The following PNMA8B variants were observed in gnomAD, a reference collection of about 807,000 sequenced individuals.
PNMA8B encodes the protein PNMA family member 8B, also known as paraneoplastic antigen-like protein 8B.
For synonymous variants in PNMA8B, 386 were observed against 394.9 expected (o/e 0.98, Z 0.27); for missense variants, 887 against 885.8 (o/e 1.00, Z -0.02).
At position 46,495,537 on chromosome 19, in the gene PNMA8B, G is replaced by A; in HGVS notation, c.-72C>T. 1 of 1,505,172 alleles carries A rather than the reference G, an allele frequency of 6.6e-7. No homozygotes were observed. The highest frequency in any genetic ancestry group is 8.9e-7 in the Non-Finnish European group (1 of 1,125,664). 93.2% of individuals were successfully genotyped at this position (1,505,172 alleles called of 1,614,324 possible). On this transcript the variant is annotated 5_prime_UTR_variant, in exon 1 of 1. Transcript: ENST00000599531. Reference sequence around the variant, plus strand: ...ATAGGGGTGGGCTGCAGCGCACGGTGTCAATGCAACCCTAGAAAGCCACTT... The same window carrying A: ...ATAGGGGTGGGCTGCAGCGCACGGTATCAATGCAACCCTAGAAAGCCACTT...
chr19:46,495,068 G>A lies in PNMA8B; in HGVS notation c.398C>T (p.Ser133Leu), dbSNP rs751965570. The A allele has an allele frequency of 5.0e-6, 8 of 1,612,054 alleles. No individual in the cohort carries two copies. The highest frequency in any genetic ancestry group is 1.1e-5 in the South Asian group (1 of 91,072). The change falls in exon 1 of 1, where the codon TCG becomes TTG. Residue 133 changes from serine to leucine, a missense_variant. Ser to Leu is a moderately radical substitution (Grantham distance 145). Coordinates refer to ENST00000599531, the MANE Select transcript of PNMA8B (RefSeq NM_020709.3). ...TPGEAPTPPA[S>L]ETQAQDSGEV... ...CCCAGAATCCTGGGCCTGCGTCTCC[G>A]AAGCGGGAGGGGTGGGTGCCTCCCC...
In PNMA8B at chr19:46,493,759, CCGGCCT is replaced by C. The variant is rs147338403; in HGVS notation, c.1701_1706del (p.Arg569_Gly570del). ...CGGCTTTCTTCTCGGGAGTGACGCC[CCGGCCT>C]CGGCCTCGGCCGCCCGCGCGGGTTT... On this transcript the variant is annotated inframe_deletion, in exon 1 of 1. Coordinates refer to ENST00000599531, the MANE Select transcript of PNMA8B (RefSeq NM_020709.3). The surrounding 1 kb of genome is among the most constrained non-coding windows in gnomAD (Gnocchi z 5.3). 9.2e-5 allele frequency: 129 copies of C among 1,408,406 alleles called. No individual in the cohort carries two copies. Among genetic ancestry groups the C allele is most frequent in the Non-Finnish European group, 1.1e-4 (123 of 1,085,684 alleles). The allele number at this position is 1,408,406 out of a possible 1,614,324, so 87.2% of individuals were successfully genotyped here.
At position 46,495,486 on chromosome 19, in the gene PNMA8B, G is replaced by A; in HGVS notation, c.-21C>T. ...GCCATGGTGCAGCCCCCTTGGCGCT[G>A]ATCTTGGGGCAGCAGGGAGCCCGAG... On this transcript the variant is annotated 5_prime_UTR_variant, in exon 1 of 1. Transcript: ENST00000599531. The A allele has an allele frequency of 6.3e-7, 1 of 1,580,846 alleles. No individual in the cohort carries two copies. The highest frequency in any genetic ancestry group is 8.6e-7 in the Non-Finnish European group (1 of 1,160,224).
At position 46,493,576 on chromosome 19, in the gene PNMA8B, C is replaced by A. The variant is rs550070633; in HGVS notation, c.1890G>T (p.Leu630=). 3 of 1,446,858 alleles carry A rather than the reference C, an allele frequency of 2.1e-6. No homozygotes were observed. In the South Asian group the frequency reaches 4.3e-5, roughly 21 times the overall value. 89.6% of individuals were successfully genotyped at this position (1,446,858 alleles called of 1,614,324 possible). The change falls in exon 1 of 1, where the codon CTG becomes CTT. Residue 630 remains leucine, a synonymous_variant. Transcript: ENST00000599531. The surrounding 1 kb of genome is among the most constrained non-coding windows in gnomAD (Gnocchi z 5.3). ...RGKKARRGRR[L]PPKCR The stretch of plus-strand genomic sequence containing the variant: ...GGGGCCACTAGCGGCATTTAGGGGG[C>A]AGCCTCCGGCCCCGACGGGCCTTCT...
Position 46,494,630 on chromosome 19 carries a change from C to T in PNMA8B, c.836G>A (p.Arg279His). The change falls in exon 1 of 1, where the codon CGC (arginine) becomes CAC (histidine). Residue 279 changes from arginine (R) to histidine (H), a missense_variant. Physicochemically the swap from Arg to His is conservative, Grantham distance 29. Transcript: ENST00000599531. ...ATTTTTGTCTTCTTTGGTGTTCAAG[C>T]GGATGGATTCGGCCCCAGCTGGCTC... is the stretch of plus-strand genomic sequence containing the variant. The part of the protein sequence containing the change: ...EKEPAGAESI[R>H]LNTKEDKNGV... 2 of 1,614,008 alleles carry T rather than the reference C, an allele frequency of 1.2e-6. No homozygotes were observed.
rs1970022741 is a variant in PNMA8B at position 46,492,778 on chromosome 19, A to G, written c.*780T>C. On this transcript the variant is annotated 3_prime_UTR_variant, in exon 1 of 1. Coordinates refer to ENST00000599531, the MANE Select transcript of PNMA8B (RefSeq NM_020709.3). ...AAATTGAACACCTCTGCAAATAATT[A>G]GAATGTTGGGAAACACTGCAGTCTG... 1 of 152,530 alleles carries G rather than the reference A, an allele frequency of 6.6e-6. No homozygotes were observed. The highest frequency in any genetic ancestry group is 2.4e-5 in the African/African-American group (1 of 41,466). The allele number at this position is 152,530 out of a possible 1,614,324, so 9.4% of individuals were successfully genotyped here.
In PNMA8B at chr19:46,491,673, G is replaced by A. The variant is rs914496367; in HGVS notation, c.*1885C>T. The A allele has an allele frequency of 6.5e-6, 1 of 153,002 alleles. No homozygotes were observed. The allele number at this position is 153,002 out of a possible 1,614,324, so 9.5% of individuals were successfully genotyped here. On this transcript the variant is annotated 3_prime_UTR_variant, in exon 1 of 1. Coordinates refer to ENST00000599531, the MANE Select transcript of PNMA8B (RefSeq NM_020709.3). The stretch of plus-strand genomic sequence containing the variant: ...GATCTGCAAGGGGTGAGATGATGCT[G>A]GGGGGTAGGGAGAGCCAGGCAGGGA...
In PNMA8B at chr19:46,495,606, A is replaced by G. The variant is rs1218466965; in HGVS notation, c.-141T>C. On this transcript the variant is annotated 5_prime_UTR_variant, in exon 1 of 1. Transcript: ENST00000599531. The stretch of plus-strand genomic sequence containing the variant: ...GTTCCGGTGAATGTGGCAAGGCTGG[A>G]GTGGGGCTCGGGGCTCGGGGGCTCT... The G allele has an allele frequency of 8.6e-7, 1 of 1,163,448 alleles. No homozygotes were observed. The highest frequency in any genetic ancestry group is 1.2e-6 in the Non-Finnish European group (1 of 842,996). The allele number at this position is 1,163,448 out of a possible 1,614,324, so 72.1% of individuals were successfully genotyped here.
At position 46,493,863 on chromosome 19, in the gene PNMA8B, C is replaced by A. The variant is rs1210738723; in HGVS notation, c.1603G>T (p.Ala535Ser). Residue 535 changes from alanine (A) to serine (S), a missense_variant, in exon 1 of 1, where the codon GCC (alanine) becomes TCC (serine). Transcript: ENST00000599531. This position sits in a 1 kb window ranked among gnomAD's most constrained non-coding sequence, Gnocchi z 5.3. ...CTGGGGGCCGTGCGCGCCCTCTTGGCCCGGGGCTTCCTGGATGCCCTGTCC... is the reference window on the plus strand; with the variant it reads ...CTGGGGGCCGTGCGCGCCCTCTTGGACCGGGGCTTCCTGGATGCCCTGTCC... ...PEDRASRKPR[A>S]KRARTAPRGL... The A allele has an allele frequency of 2.0e-6, 3 of 1,520,468 alleles. No homozygotes were observed. The highest frequency in any genetic ancestry group is 2.6e-5 in the South Asian group (2 of 77,634). 94.2% of individuals were successfully genotyped at this position (1,520,468 alleles called of 1,614,324 possible). A position where few individuals can be genotyped will look rare whatever the true frequency, so the allele number is the denominator to read the frequency against.
rs1434669667 is a variant in PNMA8B, at chr19:46,491,974, C to A, written c.*1584G>T. Reference sequence around the variant, plus strand: ...CAGGCAACACCACAGGCTGCTGTGCCCAGCTCAAGGTACACCCAGCCTGGT... The same window carrying A: ...CAGGCAACACCACAGGCTGCTGTGCACAGCTCAAGGTACACCCAGCCTGGT... On this transcript the variant is annotated 3_prime_UTR_variant, in exon 1 of 1. Coordinates refer to ENST00000599531, the MANE Select transcript of PNMA8B (RefSeq NM_020709.3). The A allele has an allele frequency of 1.1e-4, 24 of 216,478 alleles. No individual in the cohort carries two copies. In the Admixed American group the frequency reaches 1.3e-3, roughly 12 times the overall value. The allele number at this position is 216,478 out of a possible 1,614,324, so 13.4% of individuals were successfully genotyped here.
rs866217322 is a variant in PNMA8B at position 46,493,605 on chromosome 19, C to T, written c.1861G>A (p.Gly621Arg). 20 of 1,491,360 alleles carry T rather than the reference C, an allele frequency of 1.3e-5. No homozygotes were observed. Among genetic ancestry groups the T allele is most frequent in the African/African-American group, 4.4e-5 (3 of 68,168 alleles). The allele number at this position is 1,491,360 out of a possible 1,614,324, so 92.4% of individuals were successfully genotyped here. ...CTCCGGCCCCGACGGGCCTTCTTCCCGCGCGCGGCCTTGGATCCAGTGGGC... is the reference window on the plus strand; with the variant it reads ...CTCCGGCCCCGACGGGCCTTCTTCCTGCGCGCGGCCTTGGATCCAGTGGGC... The part of the protein sequence containing the change: ...QAPTGSKAAR[G>R]KKARRGRRLP... Residue 621 changes from glycine (G) to arginine (R), a missense_variant, in exon 1 of 1, where the codon GGG (glycine) becomes AGG (arginine). By Grantham distance (125) the Gly-to-Arg change is moderately radical. Coordinates refer to ENST00000599531, the MANE Select transcript of PNMA8B (RefSeq NM_020709.3). The surrounding 1 kb of genome is among the most constrained non-coding windows in gnomAD (Gnocchi z 5.3).
In PNMA8B at chr19:46,494,229, C is replaced by T. The variant is rs1247844544; in HGVS notation, c.1237G>A (p.Glu413Lys). Reference protein sequence around the residue: ...RKAGDDGDLRECISTLAQPDL... With the variant: ...RKAGDDGDLRKCISTLAQPDL... ...GGCTGCGCCAAGGTGGAAATGCACT[C>T]CCGGAGGTCCCCGTCATCCCCGGCC... The change falls in exon 1 of 1, where the codon GAG (glutamate) becomes AAG (lysine). Residue 413 changes from glutamate (E) to lysine (K), a missense_variant. Transcript: ENST00000599531. 5 of 1,609,052 alleles carry T rather than the reference C, an allele frequency of 3.1e-6. No homozygotes were observed. The highest frequency in any genetic ancestry group is 4.2e-6 in the Non-Finnish European group (5 of 1,179,698).
Position 46,494,467 on chromosome 19 carries a change from C to G in PNMA8B, c.999G>C (p.Val333=), listed in dbSNP as rs751748447. ...ACGGGTCGGTATAGGCCACAATGGCCACGAACTCAGGATTATCCAACTCCT... is the reference window on the plus strand; with the variant it reads ...ACGGGTCGGTATAGGCCACAATGGCGACGAACTCAGGATTATCCAACTCCT... The part of the protein sequence containing the change: ...ETEELDNPEF[V]AIVAYTDPSD... The change falls in exon 1 of 1, where the codon GTG becomes GTC. Residue 333 remains valine, a synonymous_variant. Coordinates refer to ENST00000599531, the MANE Select transcript of PNMA8B (RefSeq NM_020709.3). The G allele has an allele frequency of 6.4e-5, 104 of 1,613,922 alleles. No homozygotes were observed. The highest frequency in any genetic ancestry group is 8.5e-5 in the Non-Finnish European group (100 of 1,179,912).
Position 46,494,990 on chromosome 19 carries a change from C to T in PNMA8B, c.476G>A (p.Arg159Lys). 6.2e-7 allele frequency: 1 copy of T among 1,609,000 alleles called. No individual in the cohort carries two copies. The highest frequency in any genetic ancestry group is 2.2e-5 in the East Asian group (1 of 44,862). The change falls in exon 1 of 1, where the codon AGG becomes AAG. Residue 159 changes from arginine (R) to lysine (K), a missense_variant. Physicochemically the swap from Arg to Lys is conservative, Grantham distance 26. Transcript: ENST00000599531. The stretch of plus-strand genomic sequence containing the variant: ...TCTGTTTCTGCGACCCCGACGGCCC[C>T]TCCTTGGGTTCCTGGCTGCCCCAAG... ...SLLGAARNPR[R>K]GRRGRRNRTR...
chr19:46,492,085 C>A lies in PNMA8B; in HGVS notation c.*1473G>T. ...TGCAGCAGGTCTCAGTCAGCTTCTA[C>A]ATCTGGGTGTCCCTGACATAGGACT... is the stretch of plus-strand genomic sequence containing the variant. On this transcript the variant is annotated 3_prime_UTR_variant, in exon 1 of 1. Coordinates refer to ENST00000599531, the MANE Select transcript of PNMA8B (RefSeq NM_020709.3). The A allele has an allele frequency of 2.6e-6, 1 of 379,616 alleles. No individual in the cohort carries two copies. The allele number at this position is 379,616 out of a possible 1,614,324, so 23.5% of individuals were successfully genotyped here.
rs1970022353 is a variant in PNMA8B, at chr19:46,492,733, G to C, written c.*825C>G. ...ACTCAGCCCAGAAGAACCAAAACTGGATTTTAAGTGAATTACCCCAAATTG... is the reference window on the plus strand; with the variant it reads ...ACTCAGCCCAGAAGAACCAAAACTGCATTTTAAGTGAATTACCCCAAATTG... On this transcript the variant is annotated 3_prime_UTR_variant, in exon 1 of 1. Transcript: ENST00000599531. The C allele has an allele frequency of 6.6e-6, 1 of 152,346 alleles. No homozygotes were observed. The highest frequency in any genetic ancestry group is 2.4e-5 in the African/African-American group (1 of 41,462). The allele number at this position is 152,346 out of a possible 1,614,324, so 9.4% of individuals were successfully genotyped here.
chr19:46,495,619 GC>G lies in PNMA8B; in HGVS notation c.-155del. 1 of 948,388 alleles carries G rather than the reference GC, an allele frequency of 1.1e-6. No homozygotes were observed. The highest frequency in any genetic ancestry group is 1.5e-6 in the Non-Finnish European group (1 of 647,336). The allele number at this position is 948,388 out of a possible 1,614,324, so 58.7% of individuals were successfully genotyped here. A position where few individuals can be genotyped will look rare whatever the true frequency, so the allele number is the denominator to read the frequency against. ...TGGCAAGGCTGGAGTGGGGCTCGGG[GC>G]TCGGGGGCTCTAGCTGCCTGCTGGC... On this transcript the variant is annotated 5_prime_UTR_variant, in exon 1 of 1. Coordinates refer to ENST00000599531, the MANE Select transcript of PNMA8B (RefSeq NM_020709.3).
At position 46,493,363 on chromosome 19, in the gene PNMA8B, G is replaced by A; in HGVS notation, c.*195C>T. The A allele has an allele frequency of 2.5e-6, 1 of 406,680 alleles. No individual in the cohort carries two copies. The highest frequency in any genetic ancestry group is 4.3e-6 in the Non-Finnish European group (1 of 233,896). 25.2% of individuals were successfully genotyped at this position (406,680 alleles called of 1,614,324 possible). A position where few individuals can be genotyped will look rare whatever the true frequency, so the allele number is the denominator to read the frequency against. On this transcript the variant is annotated 3_prime_UTR_variant, in exon 1 of 1. Transcript: ENST00000599531. This position sits in a 1 kb window ranked among gnomAD's most constrained non-coding sequence, Gnocchi z 5.3. ...TCCTCCCATCCGGGCTTCCTCCGTC[G>A]GGATCGCTGGCGCCCCCGGCCTGCG...
Position 46,493,898 on chromosome 19 carries a change from G to C in PNMA8B, c.1568C>G (p.Ser523Trp). The C allele has an allele frequency of 6.4e-7, 1 of 1,564,846 alleles. No individual in the cohort carries two copies. Among genetic ancestry groups the C allele is most frequent in the Non-Finnish European group, 8.7e-7 (1 of 1,155,580 alleles). Residue 523 changes from serine (S) to tryptophan (W), a missense_variant, in exon 1 of 1, where the codon TCG becomes TGG. By Grantham distance (177) the Ser-to-Trp change is radical. Coordinates refer to ENST00000599531, the MANE Select transcript of PNMA8B (RefSeq NM_020709.3). The surrounding 1 kb of genome is among the most constrained non-coding windows in gnomAD (Gnocchi z 5.3). ...EESEDTESEA[S>W]EPEDRASRKP... Reference sequence around the variant, plus strand: ...CCTGGATGCCCTGTCCTCCGGCTCCGACGCCTCGCTCTCGGTGTCCTCCGA... The same window carrying C: ...CCTGGATGCCCTGTCCTCCGGCTCCCACGCCTCGCTCTCGGTGTCCTCCGA...
Sources: allele counts gnomAD v4.1 joint callset, GRCh38; gene constraint gnomAD v4.1.1; non-coding constraint Gnocchi (gnomAD v3.1); transcripts MANE v1.5; gene names NCBI Gene and HGNC (gene_info 2026-07-23, HGNC 2026-07-21).